KCNIP4: variants seen among roughly 807,000 people sequenced by gnomAD.
KCNIP4 encodes the protein potassium voltage-gated channel interacting protein 4.
A neutral mutation model predicts 34.0 loss-of-function variants in KCNIP4; 12 were observed. The ratio of observed to expected loss-of-function variants is 0.35; its 90% CI spans 0.23 to 0.57. KCNIP4 has a LOEUF of 0.57. Among genes scored for constraint, KCNIP4 ranks in the 20% least tolerant of loss-of-function variants. The probability of loss-of-function intolerance (pLI) is 0.83; values close to 1 mark genes in which losing one functional copy is unlikely to be tolerated. For synonymous variants in KCNIP4, 124 were observed against 102.2 expected (o/e 1.21, Z -1.29); for missense variants, 238 against 311.7 (o/e 0.76, Z 1.78).
chr4:21,050,738 G>A (rs955614635), intron 1 of KCNIP4, among the ~76,000 whole-genome samples: 2 of 152,150 alleles, frequency 1.3e-5, no homozygotes, highest in Non-Finnish European at 2.9e-5. Context: ...CAATCACTCA[G>A]GTTCAGAAAT....
At chr4:20,958,346 G>A (rs1483093261) in intron 1 of KCNIP4, among the ~76,000 whole-genome samples, 1 of 152,154 alleles carries the variant, frequency 6.6e-6, no homozygotes, top group Non-Finnish European at 1.5e-5. Context: ...GGTGCTTTAT[G>A]GATAAATGCA....
rs1220310962 is a variant in KCNIP4 at position 21,948,646 on chromosome 4, G to A, written c.-15C>T. The A allele has an allele frequency of 6.2e-7, 1 of 1,610,402 alleles. No individual in the cohort carries two copies. Among genetic ancestry groups the A allele is most frequent in the Middle Eastern group, 1.7e-4 (1 of 6,050 alleles). Reference sequence around the variant, plus strand: ...CTCACATTCATGTCTAGGGACGCAGGGTGCAGAAGCGAGACTCGAGAGTCC... The same window carrying A: ...CTCACATTCATGTCTAGGGACGCAGAGTGCAGAAGCGAGACTCGAGAGTCC... On this transcript the variant is annotated 5_prime_UTR_variant, in exon 1 of 9. Transcript: ENST00000382152.
intron 1 of KCNIP4, among the ~76,000 whole-genome samples, chr4:21,704,038 C>G (rs1376777364): frequency 6.6e-6 from 1 of 152,074 alleles, no homozygotes; most frequent in Non-Finnish European, 1.5e-5. Flanking sequence ...ATTATGCACA[C>G]CTAATTTTGA....
At chr4:21,446,324 C>G (rs1420869099) in intron 1 of KCNIP4, among the ~76,000 whole-genome samples, 1 of 151,978 alleles carries the variant, frequency 6.6e-6, no homozygotes, top group African/African-American at 2.4e-5. Context: ...CTCTTGCACA[C>G]ATATGTTTAT....
intron 1 of KCNIP4, among the ~76,000 whole-genome samples, chr4:21,240,237 G>C (rs1489830477): frequency 9.6e-6 from 1 of 104,128 alleles, no homozygotes; most frequent in South Asian, 4.4e-4. Flanking sequence ...GGTGGGGGGA[G>C]GGGGGAGGGA....
chr4:21,484,956 C>T (rs561275432), intron 1 of KCNIP4, among the ~76,000 whole-genome samples: 3 of 152,248 alleles, frequency 2.0e-5, no homozygotes, highest in African/African-American at 4.8e-5. Flanking sequence ...AATAATTTTT[C>T]GTTGAATAAA....
chr4:20,814,390 T>G (rs926227483), intron 3 of KCNIP4, among the ~76,000 whole-genome samples: 7 of 152,196 alleles, frequency 4.6e-5, no homozygotes, highest in Non-Finnish European at 8.8e-5. Flanking sequence ...TCATCTTCAC[T>G]AAATCTCTCA....
intron 1 of KCNIP4, among the ~76,000 whole-genome samples, chr4:20,988,000 C>CAAAAAAAAAAAAAAAAA (rs36044149): frequency 0.023 from 1,044 of 46,224 alleles, 143 homozygotes; most frequent in Admixed American, 0.031. Context: ...GATTCCATCT[C>CAAAAAAAAAAAAAAAAA]AAAAAAAAAA....
In KCNIP4 at chr4:20,729,073, C is replaced by T. The variant is rs1057406991; in HGVS notation, c.*1009G>A. 1 of 148,824 alleles carries T rather than the reference C, an allele frequency of 6.7e-6. No individual in the cohort carries two copies. Among genetic ancestry groups the T allele is most frequent in the Non-Finnish European group, 1.5e-5 (1 of 66,866 alleles). 9.2% of individuals were successfully genotyped at this position (148,824 alleles called of 1,614,324 possible). On this transcript the variant is annotated 3_prime_UTR_variant, in exon 9 of 9. Coordinates refer to ENST00000382152, the MANE Select transcript of KCNIP4 (RefSeq NM_025221.6). ...GAATTTTGCTTGCTAATTTTGCTTG[C>T]TGTTTGTTCTTAGTAGACAGTGGGG...
At chr4:21,927,771 T>A (rs1913329) in intron 1 of KCNIP4, among the ~76,000 whole-genome samples, 95,446 of 151,966 alleles carry the variant, frequency 0.63, 30,431 homozygotes, top group East Asian at 0.9. Flanking sequence ...AATCTGACAA[T>A]GAGTAGAAAG....
At chr4:21,275,582 G>A (rs771259270) in intron 1 of KCNIP4, among the ~76,000 whole-genome samples, 111 of 152,176 alleles carry the variant, frequency 7.3e-4, no homozygotes, top group Non-Finnish European at 1.4e-3. Flanking sequence ...ACACTCCTAT[G>A]AGAAAGCCTA....
rs76493812 is a variant in KCNIP4 at position 20,882,013 on chromosome 4, A to T, written c.163+595T>A. Among the ~76,000 whole-genome samples, 527 of 152,296 alleles carry T rather than the reference A, an allele frequency of 3.5e-3. 6 individuals carry two copies. Among genetic ancestry groups the T allele is most frequent in the Middle Eastern group, 0.014 (4 of 294 alleles). On this transcript the variant is annotated intron_variant, in intron 2 of 8. Transcript: ENST00000382152. The stretch of plus-strand genomic sequence containing the variant: ...CAAATAAGTCTCTTTACATATATGC[A>T]TATGTACATGTGTGTATATGCATGT...
At chr4:21,370,472 T>A (rs373859920) in intron 1 of KCNIP4, among the ~76,000 whole-genome samples, 1 of 145,334 alleles carries the variant, frequency 6.9e-6, no homozygotes, top group Non-Finnish European at 1.5e-5. Flanking sequence ...TAAAAACACA[T>A]GATTAAGAAG....
chr4:20,737,022 C>T (rs188492202), intron 5 of KCNIP4, among the ~76,000 whole-genome samples: 44 of 152,190 alleles, frequency 2.9e-4, no homozygotes, highest in Non-Finnish European at 5.6e-4. Context: ...AATTGATTTT[C>T]GATAATGGTG....
intron 1 of KCNIP4, among the ~76,000 whole-genome samples, chr4:21,821,237 C>T (rs1722335499): frequency 6.6e-6 from 1 of 152,046 alleles, no homozygotes; most frequent in Admixed American, 6.6e-5. Flanking sequence ...TCTTGACCCA[C>T]CCATGAAGCA....
rs1050950792 is a variant in KCNIP4, at chr4:20,878,293, T to C, written c.163+4315A>G. Among the ~76,000 whole-genome samples, 4 of 152,188 alleles carry C rather than the reference T, an allele frequency of 2.6e-5. 1 individual carries two copies. The highest frequency in any genetic ancestry group is 9.7e-5 in the African/African-American group (4 of 41,444). On this transcript the variant is annotated intron_variant, in intron 2 of 8. Transcript: ENST00000382152. ...TTTGCATGGATTATTCCCATGACAA[T>C]CCATTTTCTGATAATCGTAATCTTT...
At chr4:21,344,811 A>C (rs1456592724) in intron 1 of KCNIP4, among the ~76,000 whole-genome samples, 1 of 152,192 alleles carries the variant, frequency 6.6e-6, no homozygotes, top group Non-Finnish European at 1.5e-5. Flanking sequence ...TGTTGTTAGT[A>C]AATGTAGGAT....
At chr4:20,808,457 G>A (rs981703747) in intron 3 of KCNIP4, among the ~76,000 whole-genome samples, 5 of 151,968 alleles carry the variant, frequency 3.3e-5, no homozygotes, top group African/African-American at 9.7e-5. Context: ...CTCTTTTGAT[G>A]GATTGATAAG....
chr4:21,780,993 C>A (rs920191357), intron 1 of KCNIP4, among the ~76,000 whole-genome samples: 5 of 152,072 alleles, frequency 3.3e-5, no homozygotes, highest in African/African-American at 1.2e-4. Flanking sequence ...CTTCTAAGAA[C>A]ACCAGTTACT....
Sources: gnomAD v4.1 joint callset for allele counts (sites outside exome capture counted in the v4.1 genomes callset) on GRCh38, gnomAD v4.1.1 for gene constraint, MANE v1.5 for transcripts, NCBI Gene and HGNC (gene_info 2026-07-23, HGNC 2026-07-21) for gene names.